The following FAM178B variants were observed in gnomAD, a reference collection of about 807,000 sequenced individuals.
The protein encoded by FAM178B is family with sequence similarity 178 member B.
In FAM178B, 82 loss-of-function variants were observed where a neutral mutation model predicts 91.7. The ratio of observed to expected loss-of-function variants is 0.89; its 90% CI spans 0.75 to 1.07. The LOEUF is 1.07. FAM178B is among the 50% of genes least tolerant of loss of function. The probability of loss-of-function intolerance (pLI) is 0.00; values close to 1 mark genes in which losing one functional copy is unlikely to be tolerated. For synonymous variants in FAM178B, 368 were observed against 359.4 expected (o/e 1.02, Z -0.27); for missense variants, 769 against 846.7 (o/e 0.91, Z 1.14).
chr2:96,903,152 G>C (rs1021259401), intron 12 of FAM178B, among the ~76,000 whole-genome samples: 5 of 152,198 alleles, frequency 3.3e-5, no homozygotes, highest in African/African-American at 1.2e-4. Flanking sequence ...CCATTCTCCT[G>C]CCTCAGCCTC....
Position 96,967,911 on chromosome 2 carries a change from C to CTTTTTT in FAM178B, c.627-290_627-285dup, listed in dbSNP as rs60965536. Among the ~76,000 whole-genome samples the CTTTTTT allele has an allele frequency of 2.2e-4, 14 of 62,444 alleles. 2 individuals carry two copies. Among genetic ancestry groups the CTTTTTT allele is most frequent in the Middle Eastern group, 0.016 (1 of 64 alleles). 41.0% of individuals were successfully genotyped at this position (62,444 alleles called of 152,430 possible). On this transcript the variant is annotated intron_variant, in intron 4 of 16. Coordinates refer to ENST00000490605, the MANE Select transcript of FAM178B (RefSeq NM_001122646.3). The stretch of plus-strand genomic sequence containing the variant: ...TCTTTACTTGTGTACCCTGTTTGGT[C>CTTTTTT]TTTTTTTTTTTTTTTTTTTTTTTTT...
rs1426899803 is a variant in FAM178B at position 96,924,180 on chromosome 2, A to G, written c.1194-597T>C. The stretch of plus-strand genomic sequence containing the variant: ...GTGAGGCCTCGAGCTTTAGTTTTCC[A>G]GGACTTGGAAACCAGAAAATCACAC... On this transcript the variant is annotated intron_variant, in intron 9 of 16. Coordinates refer to ENST00000490605, the MANE Select transcript of FAM178B (RefSeq NM_001122646.3). Among the ~76,000 whole-genome samples the G allele has an allele frequency of 3.3e-5, 5 of 152,296 alleles. No individual in the cohort carries two copies. In the East Asian group the frequency reaches 7.7e-4, roughly 24 times the overall value.
chr2:96,883,456 T>C (rs1029139230), intron 14 of FAM178B, among the ~76,000 whole-genome samples: 2 of 152,096 alleles, frequency 1.3e-5, no homozygotes, highest in Non-Finnish European at 2.9e-5. Flanking sequence ...TTCTCCCCCA[T>C]CAGGTCATGA....
intron 14 of FAM178B, among the ~76,000 whole-genome samples, chr2:96,889,811 G>A (rs1392013194): frequency 3.3e-5 from 5 of 151,882 alleles, no homozygotes; most frequent in Non-Finnish European, 7.4e-5. Flanking sequence ...TGCAATAGCA[G>A]GTTTTGACAG....
chr2:96,905,119 G>A (rs926302411), intron 12 of FAM178B, among the ~76,000 whole-genome samples: 1 of 151,800 alleles, frequency 6.6e-6, no homozygotes, highest in African/African-American at 2.4e-5. Context: ...CCTGGGGTGG[G>A]GGTGGGGGGC....
rs1287285422 is a variant in FAM178B at position 96,878,555 on chromosome 2, C to T, written c.1777-62G>A. On this transcript the variant is annotated intron_variant, in intron 14 of 16. Coordinates refer to ENST00000490605, the MANE Select transcript of FAM178B (RefSeq NM_001122646.3). ...TCCACCCAGGGCAGCATGGCGTGCC[C>T]TCCACCTGCACACTCCCCACTCTCA... 6.0e-6 allele frequency: 9 copies of T among 1,497,856 alleles called. No homozygotes were observed. In the South Asian group the frequency reaches 8.1e-5, roughly 13 times the overall value. The allele number at this position is 1,497,856 out of a possible 1,614,324, so 92.8% of individuals were successfully genotyped here. A position where few individuals can be genotyped will look rare whatever the true frequency, so the allele number is the denominator to read the frequency against.
Position 96,986,494 on chromosome 2 carries a change from G to A in FAM178B, c.-181C>T. ...CGCCAACGTGGAACCTAAAGATCCAGTTCTGGGGATTGAGTTCCGACTCCA... is the reference window on the plus strand; with the variant it reads ...CGCCAACGTGGAACCTAAAGATCCAATTCTGGGGATTGAGTTCCGACTCCA... On this transcript the variant is annotated 5_prime_UTR_variant, in exon 1 of 17. Coordinates refer to ENST00000490605, the MANE Select transcript of FAM178B (RefSeq NM_001122646.3). 2.8e-6 allele frequency: 2 copies of A among 713,554 alleles called. No homozygotes were observed. The highest frequency in any genetic ancestry group is 3.8e-5 in the South Asian group (2 of 52,230). The allele number at this position is 713,554 out of a possible 1,614,324, so 44.2% of individuals were successfully genotyped here.
chr2:96,881,745 G>A (rs2080390828), intron 14 of FAM178B, among the ~76,000 whole-genome samples: 1 of 139,986 alleles, frequency 7.1e-6, no homozygotes, highest in African/African-American at 2.5e-5. Flanking sequence ...AGGGGGCAGG[G>A]AGGGGGGAGG....
At chr2:96,893,828 G>T in intron 14 of FAM178B, 98 bp downstream of exon 14, 1 of 1,421,484 alleles carries the variant, frequency 7.0e-7, no homozygotes, top group Non-Finnish European at 9.4e-7. Context: ...GTTCTGGAAG[G>T]ACCCGCAGGC....
chr2:96,921,502 C>T lies in FAM178B; in HGVS notation c.1440G>A (p.Glu480=). ...DLQQLLLLLL[E]NIREWPGKLQ... is the part of the protein sequence containing the mutation. ...CCTTCCCTGGCCACTCCCGGATGTT[C>T]TCCAGGAGCAAGAGGAGAAGCTGCT... is the stretch of plus-strand genomic sequence containing the variant. The change falls in exon 11 of 17, where the codon GAG becomes GAA. Residue 480 remains glutamate, a synonymous_variant. Coordinates refer to ENST00000490605, the MANE Select transcript of FAM178B (RefSeq NM_001122646.3). 4 of 1,551,712 alleles carry T rather than the reference C, an allele frequency of 2.6e-6. No homozygotes were observed. The highest frequency in any genetic ancestry group is 3.5e-6 in the Non-Finnish European group (4 of 1,146,990).
At position 96,986,393 on chromosome 2, in the gene FAM178B, G is replaced by C. The variant is rs2082425217; in HGVS notation, c.-80C>G. On this transcript the variant is annotated 5_prime_UTR_variant, in exon 1 of 17. Coordinates refer to ENST00000490605, the MANE Select transcript of FAM178B (RefSeq NM_001122646.3). The stretch of plus-strand genomic sequence containing the variant: ...CCTCAGAGGACGGGGCCAGCTAGCC[G>C]GGAAAGGAAGCAGGAGCAGGCTCCC... The C allele has an allele frequency of 6.8e-7, 1 of 1,475,758 alleles. No individual in the cohort carries two copies. Among genetic ancestry groups the C allele is most frequent in the Admixed American group, 2.3e-5 (1 of 43,282 alleles). The allele number at this position is 1,475,758 out of a possible 1,614,324, so 91.4% of individuals were successfully genotyped here.
chr2:96,910,475 T>G (rs1229516285), intron 12 of FAM178B, among the ~76,000 whole-genome samples: 1 of 152,234 alleles, frequency 6.6e-6, no homozygotes, highest in African/African-American at 2.4e-5. Context: ...AAATACGAAT[T>G]GTGTAGTGTT....
intron 8 of FAM178B, among the ~76,000 whole-genome samples, chr2:96,939,921 A>G (rs1265423848): frequency 1.3e-5 from 2 of 152,202 alleles, no homozygotes; most frequent in Non-Finnish European, 2.9e-5. Context: ...TGCTTTTATT[A>G]TCATATCCAA....
intron 4 of FAM178B, among the ~76,000 whole-genome samples, chr2:96,968,087 CT>C (rs541461423): frequency 1.8e-4 from 27 of 150,742 alleles, no homozygotes; most frequent in African/African-American, 5.8e-4. Flanking sequence ...CGGATTCGTT[CT>C]TTTTTTTTAA....
At chr2:96,899,433 T>C (rs1326282665) in intron 13 of FAM178B, among the ~76,000 whole-genome samples, 1 of 152,076 alleles carries the variant, frequency 6.6e-6, no homozygotes. Context: ...CATGGGTGCA[T>C]GGTGGGCATG....
At chr2:96,974,259 G>C (rs2082260440) in intron 1 of FAM178B, among the ~76,000 whole-genome samples, 1 of 151,240 alleles carries the variant, frequency 6.6e-6, no homozygotes, top group South Asian at 2.1e-4. Flanking sequence ...GTGGACGCCT[G>C]TAGTCCCAGC....
At chr2:96,902,235 A>G (rs1247627564) in intron 13 of FAM178B, among the ~76,000 whole-genome samples, 2 of 151,928 alleles carry the variant, frequency 1.3e-5, no homozygotes, top group Non-Finnish European at 2.9e-5. Context: ...CCTCCCGAGT[A>G]GCTGGGACTA....
intron 1 of FAM178B, among the ~76,000 whole-genome samples, chr2:96,977,194 C>CAAAAA (rs70964891): frequency 2.3e-3 from 90 of 38,386 alleles, no homozygotes; most frequent in Admixed American, 3.6e-3. Context: ...GACTCTGTCT[C>CAAAAA]AAAAAAAAAA....
chr2:96,907,707 C>T (rs1461239590), intron 12 of FAM178B, among the ~76,000 whole-genome samples: 9 of 152,220 alleles, frequency 5.9e-5, no homozygotes, highest in South Asian at 2.1e-4. Flanking sequence ...GGAATGCCAG[C>T]GCTCTGCTTC....
Sources: gnomAD v4.1 joint callset for allele counts (sites outside exome capture counted in the v4.1 genomes callset) on GRCh38, gnomAD v4.1.1 for gene constraint, MANE v1.5 for transcripts, NCBI Gene and HGNC (gene_info 2026-07-23, HGNC 2026-07-21) for gene names.